The following KCNA3 variants were observed in gnomAD, a reference collection of about 807,000 sequenced individuals.
KCNA3 encodes the protein potassium voltage-gated channel subfamily A member 3.
In KCNA3, 18 loss-of-function variants were observed where a neutral mutation model predicts 34.3. That is an observed-to-expected ratio of 0.52 (90% CI 0.36 to 0.78). The LOEUF is 0.78. Among genes scored for constraint, KCNA3 ranks in the 30% least tolerant of loss-of-function variants. The pLI is 0.00. For synonymous variants in KCNA3, 324 were observed against 351.7 expected (o/e 0.92, Z 0.88); for missense variants, 587 against 802.5 (o/e 0.73, Z 3.24).
chr1:110,659,762 A>T, the KCNA3 span, among the ~76,000 whole-genome samples: 1 of 152,242 alleles, frequency 6.6e-6, no homozygotes, highest in Non-Finnish European at 1.5e-5. Flanking sequence ...GCCATAAAAA[A>T]GGATGAGTTC....
downstream of KCNA3, among the ~76,000 whole-genome samples, chr1:110,670,985 A>T (rs995715404): frequency 1.3e-5 from 2 of 152,252 alleles, no homozygotes; most frequent in African/African-American, 4.8e-5. Flanking sequence ...TAGATAATGT[A>T]TAATTTATAT....
At chr1:110,669,572 C>A (rs921036632), downstream of KCNA3, among the ~76,000 whole-genome samples, 1 of 152,156 alleles carries the variant, frequency 6.6e-6, no homozygotes, top group African/African-American at 2.4e-5. Context: ...TAATTAGTGA[C>A]ATAGGCTGAA....
chr1:110,661,648 T>A, the KCNA3 span, among the ~76,000 whole-genome samples: 1 of 152,166 alleles, frequency 6.6e-6, no homozygotes, highest in Admixed American at 6.5e-5. Context: ...ATTCTTTTTA[T>A]ATAAAACGGT....
At chr1:110,665,573 G>A in the KCNA3 span, among the ~76,000 whole-genome samples, 1 of 152,160 alleles carries the variant, frequency 6.6e-6, no homozygotes, top group Admixed American at 6.5e-5. Flanking sequence ...ATATCCAAGT[G>A]GAGACGTCAC....
At chr1:110,660,250 A>G in the KCNA3 span, among the ~76,000 whole-genome samples, 3 of 152,224 alleles carry the variant, frequency 2.0e-5, no homozygotes, top group Non-Finnish European at 2.9e-5. Context: ...CTGAAATTAT[A>G]GACATTTTTC....
At position 110,672,744 on chromosome 1, in the gene KCNA3, C is replaced by T. The variant is rs1195313318; in HGVS notation, c.*338G>A. The T allele has an allele frequency of 9.0e-6, 2 of 221,968 alleles. No homozygotes were observed. Among genetic ancestry groups the T allele is most frequent in the Admixed American group, 5.2e-5 (1 of 19,382 alleles). 13.7% of individuals were successfully genotyped at this position (221,968 alleles called of 1,614,324 possible). A position where few individuals can be genotyped will look rare whatever the true frequency, so the allele number is the denominator to read the frequency against. On this transcript the variant is annotated 3_prime_UTR_variant, in exon 1 of 1. Transcript: ENST00000369769. ...TTAAAATTCTGAGGTTAAACAGTTACTCTAACTGTTCTTTAGTTTCATTTC... is the reference window on the plus strand; with the variant it reads ...TTAAAATTCTGAGGTTAAACAGTTATTCTAACTGTTCTTTAGTTTCATTTC...
the KCNA3 span, among the ~76,000 whole-genome samples, chr1:110,657,376 G>A: frequency 6.6e-6 from 1 of 152,056 alleles, no homozygotes; most frequent in African/African-American, 2.4e-5. Flanking sequence ...TCTCAAATGT[G>A]TATAATGAGA....
chr1:110,673,517 G>A lies in KCNA3; in HGVS notation c.1293C>T (p.Ile431=), dbSNP rs1287673658. Residue 431 remains isoleucine (I), a synonymous_variant, in exon 1 of 1, where the codon ATC becomes ATT. Coordinates refer to ENST00000369769, the MANE Select transcript of KCNA3 (RefSeq NM_002232.5). The surrounding 1 kb of genome is among the most constrained non-coding windows in gnomAD (Gnocchi z 8.8). The stretch of plus-strand genomic sequence containing the variant: ...CCACTGCCCACCAGAAGGCATCCGG[G>A]ATGCTGCTGAAACCTGAAGTGGGGT... ...ADDPTSGFSS[I]PDAFWWAVVT... 8.1e-6 allele frequency: 13 copies of A among 1,614,192 alleles called. No homozygotes were observed. The highest frequency in any genetic ancestry group is 3.3e-5 in the South Asian group (3 of 91,080).
downstream of KCNA3, among the ~76,000 whole-genome samples, chr1:110,668,744 T>C (rs1029638486): frequency 5.3e-5 from 8 of 152,182 alleles, no homozygotes; most frequent in Non-Finnish European, 8.8e-5. Flanking sequence ...GTAAGGCATA[T>C]ACATTTTTCC....
chr1:110,666,669 GA>G, the KCNA3 span, among the ~76,000 whole-genome samples: 3 of 152,280 alleles, frequency 2.0e-5, no homozygotes, highest in South Asian at 6.2e-4. Flanking sequence ...CTGGCCACAA[GA>G]AATGTGAGGA....
At chr1:110,662,190 G>A in the KCNA3 span, among the ~76,000 whole-genome samples, 287 of 150,664 alleles carry the variant, frequency 1.9e-3, no homozygotes, top group African/African-American at 6.5e-3. Flanking sequence ...TTAGAAGAAT[G>A]GACCCAAAAT....
At chr1:110,662,583 A>C in the KCNA3 span, among the ~76,000 whole-genome samples, 1 of 152,226 alleles carries the variant, frequency 6.6e-6, no homozygotes, top group Non-Finnish European at 1.5e-5. Context: ...GTAATGAATA[A>C]GCTCAAGGAC....
At chr1:110,654,055 CAG>C in the KCNA3 span, 1 of 152,106 alleles carries the variant, frequency 6.6e-6, no homozygotes, top group Non-Finnish European at 1.5e-5. Flanking sequence ...AAAGCAGTAA[CAG>C]TGTCTCTCTG....
the KCNA3 span, among the ~76,000 whole-genome samples, chr1:110,658,644 A>G: frequency 2.0e-5 from 3 of 152,158 alleles, no homozygotes; most frequent in Non-Finnish European, 4.4e-5. Context: ...CTAAAAGAAT[A>G]TAAAAATAGA....
chr1:110,654,765 G>C, the KCNA3 span: 1 of 152,146 alleles, frequency 6.6e-6, no homozygotes, highest in East Asian at 1.9e-4. Context: ...TAATGGCAGT[G>C]ACAGGATAAA....
chr1:110,655,120 CTGTT>C, the KCNA3 span: 3 of 152,096 alleles, frequency 2.0e-5, no homozygotes, highest in Non-Finnish European at 4.4e-5. Flanking sequence ...ACTACATACA[CTGTT>C]TGCTTTCCCT....
the KCNA3 span, among the ~76,000 whole-genome samples, chr1:110,659,826 A>G: frequency 6.6e-6 from 1 of 151,878 alleles, no homozygotes; most frequent in Admixed American, 6.6e-5. Flanking sequence ...TCGGCAAACT[A>G]TCACAAGGAC....
In KCNA3 at chr1:110,674,560, C is replaced by CGCA; in HGVS notation, c.247_249dup (p.Cys83dup). 2.6e-6 allele frequency: 4 copies of CGCA among 1,553,644 alleles called. No homozygotes were observed. The highest frequency in any genetic ancestry group is 3.5e-6 in the Non-Finnish European group (4 of 1,154,524). On this transcript the variant is annotated inframe_insertion, in exon 1 of 1. Transcript: ENST00000369769. The surrounding 1 kb of genome is among the most constrained non-coding windows in gnomAD (Gnocchi z 6.4). ...GAGGGCGGCAGCGGCTCGTAGCGGT[C>CGCA]GCAGCCGCCGCCGCCACAGCCGCCT...
chr1:110,673,029 A>C lies in KCNA3; in HGVS notation c.*53T>G. On this transcript the variant is annotated 3_prime_UTR_variant, in exon 1 of 1. Transcript: ENST00000369769. The surrounding 1 kb of genome is among the most constrained non-coding windows in gnomAD (Gnocchi z 8.8). ...TATAAAACAAGGGCATAGGCAGACC[A>C]AGGGGGCACGTTCCACACAATACTG... 1 of 1,531,806 alleles carries C rather than the reference A, an allele frequency of 6.5e-7. No individual in the cohort carries two copies. The highest frequency in any genetic ancestry group is 8.9e-7 in the Non-Finnish European group (1 of 1,128,102). The allele number at this position is 1,531,806 out of a possible 1,614,324, so 94.9% of individuals were successfully genotyped here. A position where few individuals can be genotyped will look rare whatever the true frequency, so the allele number is the denominator to read the frequency against.
Sources: gnomAD v4.1 joint callset for allele counts (sites outside exome capture counted in the v4.1 genomes callset) on GRCh38, gnomAD v4.1.1 for gene constraint, Gnocchi (gnomAD v3.1) non-coding constraint, MANE v1.5 for transcripts, NCBI Gene and HGNC (gene_info 2026-07-23, HGNC 2026-07-21) for gene names.